Variants in TEX9 observed in about 807,000 individuals in gnomAD.
TEX9 encodes the protein testis expressed 9, also known as testis-expressed protein 9.
Under a neutral mutation model 59.6 loss-of-function variants are expected in TEX9, and 74 were observed. The ratio of observed to expected loss-of-function variants is 1.24; its 90% confidence interval spans 1.03 to 1.51. TEX9 has a LOEUF of 1.51. TEX9 is among the 40% of genes most tolerant of loss of function. The pLI is 0.00. For synonymous variants in TEX9, 186 were observed against 152.2 expected, an observed-to-expected ratio of 1.22 and a Z score of -1.64; for missense variants, 522 against 447.8, an observed-to-expected ratio of 1.17 and a Z score of -1.49.
intron 1 of TEX9, among the ~76,000 whole-genome samples, chr15:56,283,612 A>G (rs765636297): frequency 6.6e-6 from 1 of 152,206 alleles, no homozygotes; most frequent in Non-Finnish European, 1.5e-5. Context: ...TAAATTCCAG[A>G]TGGTTTGAGT....
intron 1 of TEX9, among the ~76,000 whole-genome samples, chr15:56,250,732 C>T (rs1406981969): frequency 6.6e-6 from 1 of 151,874 alleles, no homozygotes; most frequent in Non-Finnish European, 1.5e-5. Flanking sequence ...GATGCTGCAA[C>T]CCACAGGTGA....
At chr15:56,394,175 C>A (rs1311163693) in exon 8 of TEX9, 1 of 1,607,212 alleles carries the variant, frequency 6.2e-7, no homozygotes, top group South Asian at 1.1e-5. Context: ...AAGCACAGAT[C>A]AGATTTCTAA....
intron 10 of TEX9, among the ~76,000 whole-genome samples, chr15:56,419,031 G>C (rs2049840408): frequency 6.6e-6 from 1 of 151,868 alleles, no homozygotes; most frequent in Non-Finnish European, 1.5e-5. Context: ...GTCATGAATA[G>C]AGAAAATCTG....
rs187834329 is a variant in TEX9 at position 56,341,995 on chromosome 15, T to G, written c.-106-31446T>G. Among the ~76,000 whole-genome samples, 6 of 151,268 alleles carry G rather than the reference T, an allele frequency of 4.0e-5. No homozygotes were observed. In the East Asian group the frequency reaches 1.2e-3, roughly 29 times the overall value. Reference sequence around the variant, plus strand: ...TTCTCAAATTTTCTTGTCAGCTATGTTTTTTTTTGATAAGTGAACTTTTTC... The same window carrying G: ...TTCTCAAATTTTCTTGTCAGCTATGGTTTTTTTTGATAAGTGAACTTTTTC... On this transcript the variant is annotated intron_variant, in intron 1 of 5. Coordinates refer to the TEX9 transcript ENST00000560827.
At chr15:56,327,230 T>TGAGCATATATCA (rs1567086978) in intron 1 of TEX9, among the ~76,000 whole-genome samples, 2 of 152,352 alleles carry the variant, frequency 1.3e-5, no homozygotes, top group South Asian at 2.1e-4. Context: ...GCTCATATTA[T>TGAGCATATATCA]TACTGATGAT....
chr15:56,307,463 C>T (rs193065165), intron 1 of TEX9, among the ~76,000 whole-genome samples: 363 of 152,316 alleles, frequency 2.4e-3, no homozygotes, highest in Admixed American at 3.7e-3. Context: ...GTTTGTAAAA[C>T]TCTGGGCAGG....
intron 11 of TEX9, 47 bp downstream of exon 11, chr15:56,427,786 T>G: frequency 1.4e-6 from 2 of 1,381,222 alleles, no homozygotes; most frequent in Non-Finnish European, 1.9e-6. Context: ...TGTAACTTTC[T>G]TACTAAAAAA....
intron 12 of TEX9, among the ~76,000 whole-genome samples, chr15:56,439,101 T>A (rs1310232797): frequency 6.6e-6 from 1 of 152,080 alleles, no homozygotes; most frequent in South Asian, 2.1e-4. Context: ...GGTTGTGAGA[T>A]ACAAGATAAA....
At chr15:56,372,020 A>G (rs553354371) in intron 2 of TEX9, among the ~76,000 whole-genome samples, 1 of 152,308 alleles carries the variant, frequency 6.6e-6, no homozygotes, top group South Asian at 2.1e-4. Context: ...TCTTAGTACC[A>G]GGGCATTTCC....
chr15:56,430,290 T>C (rs1596248574), intron 12 of TEX9, among the ~76,000 whole-genome samples, 136 bp downstream of exon 12: 1 of 152,298 alleles, frequency 6.6e-6, no homozygotes, highest in African/African-American at 2.4e-5. Flanking sequence ...CACTGCAGCT[T>C]CAACTTTCCA....
chr15:56,459,480 A>G, the TEX9 span, among the ~76,000 whole-genome samples: 1 of 152,156 alleles, frequency 6.6e-6, no homozygotes, highest in South Asian at 2.1e-4. Context: ...TATATTTAGT[A>G]CCCAGCTACA....
At chr15:56,325,641 T>C (rs1201500339) in intron 1 of TEX9, among the ~76,000 whole-genome samples, 2 of 152,192 alleles carry the variant, frequency 1.3e-5, no homozygotes, top group East Asian at 3.8e-4. Flanking sequence ...AGATATGTGT[T>C]GTTTCCTTTT....
At chr15:56,292,297 G>T (rs1446474433) in intron 1 of TEX9, among the ~76,000 whole-genome samples, 1 of 152,092 alleles carries the variant, frequency 6.6e-6, no homozygotes. Flanking sequence ...TGGTTACTTT[G>T]GGCTTCTGGT....
chr15:56,263,165 A>C (rs1438793137), intron 1 of TEX9, among the ~76,000 whole-genome samples: 1 of 152,112 alleles, frequency 6.6e-6, no homozygotes, highest in African/African-American at 2.4e-5. Flanking sequence ...CTGGGATTAC[A>C]GTCATTTGCC....
chr15:56,363,280 T>C (rs550627804), upstream of TEX9, among the ~76,000 whole-genome samples: 63 of 152,102 alleles, frequency 4.1e-4, 1 homozygote, highest in African/African-American at 1.5e-3. Flanking sequence ...TTTTTTTTTT[T>C]TTGAGATGGA....
At chr15:56,342,482 G>C (rs2046390803) in intron 1 of TEX9, among the ~76,000 whole-genome samples, 1 of 151,778 alleles carries the variant, frequency 6.6e-6, no homozygotes, top group East Asian at 1.9e-4. Flanking sequence ...CAAAAAAAAA[G>C]AAGAGCAAAC....
chr15:56,305,733 C>T (rs2045467219), intron 1 of TEX9, among the ~76,000 whole-genome samples: 1 of 152,138 alleles, frequency 6.6e-6, no homozygotes, highest in Non-Finnish European at 1.5e-5. Flanking sequence ...TTGAGTAATA[C>T]CCCATGAGCA....
chr15:56,435,723 T>A (rs537167366), intron 12 of TEX9, among the ~76,000 whole-genome samples: 4 of 152,028 alleles, frequency 2.6e-5, no homozygotes, highest in Non-Finnish European at 4.4e-5. Flanking sequence ...ATGGTTTCAC[T>A]AGAAAATTCT....
chr15:56,316,894 G>C (rs1475811306), intron 1 of TEX9, among the ~76,000 whole-genome samples: 1 of 152,222 alleles, frequency 6.6e-6, no homozygotes, highest in African/African-American at 2.4e-5. Flanking sequence ...CAGTATTCGG[G>C]TGGGAGTGAC....
Sources: allele counts gnomAD v4.1 joint callset (sites outside exome capture counted in the v4.1 genomes callset), GRCh38; gene constraint gnomAD v4.1.1; transcripts MANE v1.5; gene names NCBI Gene and HGNC (gene_info 2026-07-23, HGNC 2026-07-21).